MAML2: variants seen among roughly 807,000 people sequenced by gnomAD.
The protein encoded by MAML2 is mastermind like transcriptional coactivator 2.
MAML2 carries 22 observed loss-of-function variants against 96.1 expected under a neutral mutation model. The ratio of observed to expected loss-of-function variants is 0.23; its 90% CI spans 0.16 to 0.33. MAML2 has a LOEUF of 0.33. Ranked by LOEUF, MAML2 falls within the 10% of genes least tolerant of loss-of-function variation. The probability of loss-of-function intolerance (pLI) is 1.00; values close to 1 mark genes in which losing one functional copy is unlikely to be tolerated. For missense variants in MAML2, 1,367 were observed against 1,392.4 expected, an observed-to-expected ratio of 0.98 and a Z score of 0.29; for synonymous variants, 561 against 521.3, an observed-to-expected ratio of 1.08 and a Z score of -1.04.
At chr11:96,142,202 T>G (rs576841644) in intron 1 of MAML2, among the ~76,000 whole-genome samples, 17 of 152,292 alleles carry the variant, frequency 1.1e-4, no homozygotes, top group Non-Finnish European at 2.1e-4. Flanking sequence ...GAGTAGGTTT[T>G]CTGAAGAAAT....
chr11:96,288,883 A>G (rs144381857), intron 1 of MAML2, among the ~76,000 whole-genome samples: 20 of 152,292 alleles, frequency 1.3e-4, no homozygotes, highest in African/African-American at 4.8e-4. Context: ...CAAAAATATA[A>G]TTTTTCTACT....
chr11:96,008,707 T>C (rs1858225008), intron 2 of MAML2, among the ~76,000 whole-genome samples: 1 of 152,130 alleles, frequency 6.6e-6, no homozygotes, highest in Non-Finnish European at 1.5e-5. Flanking sequence ...CACCACTGAG[T>C]ATCATGGAAA....
intron 1 of MAML2, among the ~76,000 whole-genome samples, chr11:96,189,780 A>T (rs748626750): frequency 6.6e-6 from 1 of 152,234 alleles, no homozygotes; most frequent in African/African-American, 2.4e-5. Context: ...CTAATTCTTC[A>T]TTCAGAAAAG....
At chr11:96,045,208 C>T (rs1858877382) in intron 2 of MAML2, among the ~76,000 whole-genome samples, 1 of 152,156 alleles carries the variant, frequency 6.6e-6, no homozygotes, top group Admixed American at 6.5e-5. Flanking sequence ...GTCACCCGTA[C>T]TGAGCAAAGT....
At chr11:96,009,327 T>C (rs183993069) in intron 2 of MAML2, among the ~76,000 whole-genome samples, 1 of 152,320 alleles carries the variant, frequency 6.6e-6, no homozygotes, top group Admixed American at 6.5e-5. Context: ...TCATGGCTTT[T>C]CCCCAGATAA....
At chr11:96,331,581 T>C (rs1445274122) in intron 1 of MAML2, among the ~76,000 whole-genome samples, 2 of 151,640 alleles carry the variant, frequency 1.3e-5, no homozygotes, top group Non-Finnish European at 2.9e-5. Context: ...GTGGATCACT[T>C]GAGGTCAGGA....
At chr11:96,200,891 G>C (rs1293474520) in intron 1 of MAML2, among the ~76,000 whole-genome samples, 2 of 152,016 alleles carry the variant, frequency 1.3e-5, no homozygotes, top group African/African-American at 4.8e-5. Context: ...AATGAGAGGG[G>C]AAAAATAGTA....
At chr11:96,176,191 C>T (rs1337676736) in intron 1 of MAML2, among the ~76,000 whole-genome samples, 6 of 152,092 alleles carry the variant, frequency 3.9e-5, no homozygotes, top group African/African-American at 1.4e-4. Flanking sequence ...GTACTTAAAG[C>T]AAGGTTAAAT....
intron 2 of MAML2, among the ~76,000 whole-genome samples, chr11:96,027,973 C>T (rs1023429634): frequency 2.0e-5 from 3 of 152,138 alleles, no homozygotes; most frequent in African/African-American, 4.8e-5. Flanking sequence ...CTCAAGTGAT[C>T]TGCCTGCCTT....
intron 1 of MAML2, among the ~76,000 whole-genome samples, chr11:96,299,060 A>AAAAATATATATATATATAT (rs55878534): frequency 3.6e-5 from 2 of 56,336 alleles, no homozygotes; most frequent in African/African-American, 8.9e-5. Context: ...AAAAAAAAAA[A>AAAAATATATATATATATAT]ATATATATAT....
chr11:96,264,430 A>C (rs1458351113), intron 1 of MAML2, among the ~76,000 whole-genome samples: 4 of 152,224 alleles, frequency 2.6e-5, no homozygotes, highest in African/African-American at 9.7e-5. Flanking sequence ...ACCCATTTGA[A>C]CACAATATGC....
chr11:96,094,024 A>C (rs1410888784), intron 1 of MAML2, among the ~76,000 whole-genome samples: 1 of 151,982 alleles, frequency 6.6e-6, no homozygotes. Context: ...CTTCATCACT[A>C]TTATCCTCTA....
At chr11:96,315,571 T>C (rs896257665) in intron 1 of MAML2, among the ~76,000 whole-genome samples, 1 of 152,218 alleles carries the variant, frequency 6.6e-6, no homozygotes, top group African/African-American at 2.4e-5. Context: ...CATAGAGCTT[T>C]TTACATTTTT....
At chr11:96,102,763 G>C (rs896627786) in intron 1 of MAML2, among the ~76,000 whole-genome samples, 1 of 152,138 alleles carries the variant, frequency 6.6e-6, no homozygotes, top group African/African-American at 2.4e-5. Context: ...ATAAAGCAAG[G>C]ATCTGAGGGG....
intron 1 of MAML2, among the ~76,000 whole-genome samples, chr11:96,147,299 C>T (rs546922376): frequency 3.3e-5 from 5 of 152,282 alleles, no homozygotes; most frequent in Admixed American, 6.5e-5. Flanking sequence ...GCTTTAGATA[C>T]AATCTAGGTC....
intron 1 of MAML2, among the ~76,000 whole-genome samples, chr11:96,338,040 A>C (rs1254919920): frequency 6.6e-6 from 1 of 152,216 alleles, no homozygotes; most frequent in Non-Finnish European, 1.5e-5. Context: ...ATAATCTCTG[A>C]AGCCAGAGAT....
intron 1 of MAML2, among the ~76,000 whole-genome samples, chr11:96,166,177 T>TCTCTCTCACA (rs530578845): frequency 0.12 from 12,942 of 109,922 alleles, 762 homozygotes; most frequent in Middle Eastern, 0.19. Context: ...TCTCTCTCTC[T>TCTCTCTCACA]CACACACACA....
At chr11:96,171,787 A>C (rs1861301759) in intron 1 of MAML2, among the ~76,000 whole-genome samples, 1 of 152,270 alleles carries the variant, frequency 6.6e-6, no homozygotes, top group Non-Finnish European at 1.5e-5. Flanking sequence ...CCCAGGAAGC[A>C]AGCAAGGGCA....
chr11:96,314,983 C>T (rs1234009448), intron 1 of MAML2, among the ~76,000 whole-genome samples: 2 of 152,208 alleles, frequency 1.3e-5, no homozygotes, highest in East Asian at 3.8e-4. Context: ...TTGTCCTACT[C>T]CAAACAACAA....
Sources: gnomAD v4.1 joint callset for allele counts (sites outside exome capture counted in the v4.1 genomes callset) on GRCh38, gnomAD v4.1.1 for gene constraint, MANE v1.5 for transcripts, NCBI Gene and HGNC (gene_info 2026-07-23, HGNC 2026-07-21) for gene names.